Variants in RBFOX1 observed in about 807,000 individuals in gnomAD.
RBFOX1 encodes RNA binding fox-1 homolog 1.
RBFOX1 carries 8 observed loss-of-function variants against 57.7 expected under a neutral mutation model. The observed-to-expected ratio is 0.14, with a 90% CI of 0.08 to 0.25. The LOEUF (loss-of-function observed/expected upper bound fraction) is 0.25, where lower values mean the gene tolerates loss of function less well. Among genes scored for constraint, RBFOX1 ranks in the 10% least tolerant of loss-of-function variants. The probability of loss-of-function intolerance (pLI) is 1.00; values close to 1 mark genes in which losing one functional copy is unlikely to be tolerated. For missense variants in RBFOX1, 611 were observed against 548.5 expected (o/e 1.11, Z -1.14); for synonymous variants, 326 against 222.4 (o/e 1.47, Z -4.15).
chr16:5,481,284 G>A (rs879872686), intron 2 of RBFOX1, among the ~76,000 whole-genome samples: 8 of 152,126 alleles, frequency 5.3e-5, no homozygotes, highest in Non-Finnish European at 1.2e-4. Context: ...ATAATGTCTG[G>A]TTTCTTGTTG....
chr16:5,767,623 C>A (rs1001614764), intron 3 of RBFOX1, among the ~76,000 whole-genome samples: 1 of 152,120 alleles, frequency 6.6e-6, no homozygotes, highest in South Asian at 2.1e-4. Context: ...AAGGACACAA[C>A]GGGATTTGCC....
At chr16:6,563,735 C>T (rs924423297) in intron 2 of RBFOX1, among the ~76,000 whole-genome samples, 20 of 151,906 alleles carry the variant, frequency 1.3e-4, no homozygotes, top group African/African-American at 4.8e-4. Flanking sequence ...GTAGGGCACA[C>T]ACATCAGTAG....
chr16:7,004,367 T>C (rs1373518459), intron 3 of RBFOX1, among the ~76,000 whole-genome samples: 2 of 152,136 alleles, frequency 1.3e-5, no homozygotes, highest in Non-Finnish European at 2.9e-5. Flanking sequence ...AAAGACAACA[T>C]GGCATCAGAT....
intron 3 of RBFOX1, among the ~76,000 whole-genome samples, chr16:5,828,251 C>G (rs1375942926): frequency 6.6e-6 from 1 of 152,118 alleles, no homozygotes; most frequent in Non-Finnish European, 1.5e-5. Flanking sequence ...ATCTACCCAT[C>G]CATGTGTGGG....
chr16:6,235,752 C>G (rs1266250748), intron 1 of RBFOX1, among the ~76,000 whole-genome samples: 2 of 151,994 alleles, frequency 1.3e-5, no homozygotes, highest in Non-Finnish European at 2.9e-5. Context: ...TGAAGTAACT[C>G]AGGAATGGAA....
intron 4 of RBFOX1, among the ~76,000 whole-genome samples, chr16:7,507,822 C>A (rs905858649): frequency 6.6e-6 from 1 of 152,046 alleles, no homozygotes; most frequent in Non-Finnish European, 1.5e-5. Context: ...CTCGGTCTTC[C>A]AAAGTGCTGG....
intron 2 of RBFOX1, among the ~76,000 whole-genome samples, chr16:6,433,912 A>G (rs1385534478): frequency 1.4e-5 from 2 of 144,288 alleles, no homozygotes; most frequent in African/African-American, 2.6e-5. Context: ...TAGTGGCACC[A>G]TCTCTGCTCA....
chr16:5,413,231 C>G (rs999650433), intron 1 of RBFOX1, among the ~76,000 whole-genome samples: 7 of 152,178 alleles, frequency 4.6e-5, no homozygotes, highest in Admixed American at 3.9e-4. Flanking sequence ...TTTCTACCAA[C>G]AGCCCCAACT....
chr16:6,893,314 C>A (rs117085414), intron 3 of RBFOX1, among the ~76,000 whole-genome samples: 1 of 152,232 alleles, frequency 6.6e-6, no homozygotes, highest in South Asian at 2.1e-4. Context: ...AAGAAAGCCC[C>A]TAGAGATCAA....
chr16:7,626,561 G>A (rs1328743659), intron 10 of RBFOX1, among the ~76,000 whole-genome samples: 1 of 152,164 alleles, frequency 6.6e-6, no homozygotes, highest in Non-Finnish European at 1.5e-5. Context: ...TGTCTGCCAG[G>A]TGCTGATACA....
At chr16:5,682,713 C>A (rs2151439382) in intron 3 of RBFOX1, among the ~76,000 whole-genome samples, 1 of 152,332 alleles carries the variant, frequency 6.6e-6, no homozygotes, top group African/African-American at 2.4e-5. Flanking sequence ...CCGAGTCTAA[C>A]AACACTATGT....
At chr16:6,085,864 C>T (rs752914103) in intron 1 of RBFOX1, among the ~76,000 whole-genome samples, 2 of 152,046 alleles carry the variant, frequency 1.3e-5, no homozygotes, top group African/African-American at 4.8e-5. Flanking sequence ...GCCAAACATG[C>T]AGGTTTGTTA....
chr16:7,289,495 G>A (rs563561852), intron 4 of RBFOX1, among the ~76,000 whole-genome samples: 22 of 151,670 alleles, frequency 1.5e-4, no homozygotes, highest in East Asian at 1.9e-4. Context: ...TATCATCATC[G>A]TTATTACAGT....
chr16:5,449,027 C>T (rs1264574078), intron 1 of RBFOX1, among the ~76,000 whole-genome samples: 1 of 152,156 alleles, frequency 6.6e-6, no homozygotes, highest in African/African-American at 2.4e-5. Flanking sequence ...AGGTATTGAG[C>T]TGCACGGGAC....
At chr16:7,663,923 GCA>G (rs2068481106) in intron 12 of RBFOX1, among the ~76,000 whole-genome samples, 1 of 152,096 alleles carries the variant, frequency 6.6e-6, no homozygotes, top group Non-Finnish European at 1.5e-5. Context: ...TTTACTCAAA[GCA>G]TACCAAAAAG....
chr16:5,927,693 G>C (rs1409673515), intron 4 of RBFOX1, among the ~76,000 whole-genome samples: 1 of 152,244 alleles, frequency 6.6e-6, no homozygotes, highest in African/African-American at 2.4e-5. Context: ...TGTGGAATCA[G>C]TGTAAGTGTC....
intron 1 of RBFOX1, among the ~76,000 whole-genome samples, chr16:6,172,212 C>T (rs1404360239): frequency 6.6e-6 from 1 of 152,124 alleles, no homozygotes; most frequent in Non-Finnish European, 1.5e-5. Flanking sequence ...AAGTGTGTCA[C>T]TTTGCAGCCT....
chr16:7,453,465 G>T (rs2057811452), intron 4 of RBFOX1, among the ~76,000 whole-genome samples: 1 of 152,112 alleles, frequency 6.6e-6, no homozygotes, highest in African/African-American at 2.4e-5. Flanking sequence ...CTAAGAATAG[G>T]GATTCATTAA....
rs1376970317 is a variant in RBFOX1 at position 7,568,881 on chromosome 16, T to TAA, written c.271-10896_271-10895insAA. On this transcript the variant is annotated intron_variant, in intron 5 of 15. Transcript: ENST00000550418. Reference sequence around the variant, plus strand: ...CAGCCTGGGTGATAGAGACTCTGTCTCAAAAAAAAAAAAAAAAAAAAAAAA... The same window carrying TAA: ...CAGCCTGGGTGATAGAGACTCTGTCTAACAAAAAAAAAAAAAAAAAAAAAAAA... Among the ~76,000 whole-genome samples, 208 of 30,408 alleles carry TAA rather than the reference T, an allele frequency of 6.8e-3. 3 individuals are homozygous for TAA. Among genetic ancestry groups the TAA allele is most frequent in the Middle Eastern group, 0.02 (1 of 50 alleles). The allele number at this position is 30,408 out of a possible 152,430, so 19.9% of individuals were successfully genotyped here. A position where few individuals can be genotyped will look rare whatever the true frequency, so the allele number is the denominator to read the frequency against.
Sources: allele counts gnomAD v4.1 joint callset (sites outside exome capture counted in the v4.1 genomes callset), GRCh38; gene constraint gnomAD v4.1.1; transcripts MANE v1.5; gene names NCBI Gene and HGNC (gene_info 2026-07-23, HGNC 2026-07-21).